Variants in OTOGL observed in about 807,000 individuals in gnomAD.
The protein encoded by OTOGL is otogelin like.
A neutral mutation model predicts 318.5 loss-of-function variants in OTOGL; 285 were observed. The observed-to-expected ratio is 0.89, with a 90% CI of 0.81 to 0.99. The LOEUF (loss-of-function observed/expected upper bound fraction) is 0.99, where lower values mean the gene tolerates loss of function less well. Among genes scored for constraint, OTOGL ranks in the 50% least tolerant of loss-of-function variants. The pLI, the probability that OTOGL is intolerant of heterozygous loss-of-function variation, is 0.00. For synonymous variants in OTOGL, 987 were observed against 936.5 expected, an observed-to-expected ratio of 1.05 and a Z score of -0.99; for missense variants, 2,899 against 2,845.6, an observed-to-expected ratio of 1.02 and a Z score of -0.43.
chr12:80,196,355 GT>G (rs552865765), intron 1 of OTOGL, among the ~76,000 whole-genome samples: 149 of 152,298 alleles, frequency 9.8e-4, no homozygotes, highest in African/African-American at 3.5e-3. Context: ...TGATAATATT[GT>G]TATTTATAAA....
intron 1 of OTOGL, among the ~76,000 whole-genome samples, chr12:80,147,230 G>A (rs574747165): frequency 1.5e-4 from 23 of 150,014 alleles, no homozygotes; most frequent in South Asian, 6.6e-4. Flanking sequence ...CTTTGAATGC[G>A]TCCCAGAGAT....
At chr12:80,169,292 C>G (rs920238543) in intron 1 of OTOGL, among the ~76,000 whole-genome samples, 4 of 152,092 alleles carry the variant, frequency 2.6e-5, no homozygotes, top group Non-Finnish European at 4.4e-5. Flanking sequence ...GTATGTCATT[C>G]ATTATGACAT....
intron 27 of OTOGL, among the ~76,000 whole-genome samples, chr12:80,301,855 A>C (rs1395336494): frequency 1.3e-5 from 2 of 152,244 alleles, no homozygotes; most frequent in African/African-American, 4.8e-5. Context: ...ATTTCTGTTC[A>C]TGCCTTTTAC....
chr12:80,217,873 G>C (rs1877897804), intron 5 of OTOGL, among the ~76,000 whole-genome samples: 1 of 152,194 alleles, frequency 6.6e-6, no homozygotes, highest in African/African-American at 2.4e-5. Flanking sequence ...AGACAAACCT[G>C]ATAACTGCAT....
chr12:80,261,903 A>C, intron 18 of OTOGL, 66 bp from the exon 19 acceptor site: 1 of 1,517,374 alleles, frequency 6.6e-7, no homozygotes, highest in Non-Finnish European at 8.9e-7. Context: ...TCTTATTTAA[A>C]TATCTGAAGG....
In OTOGL at chr12:80,305,694, A is replaced by C. The variant is rs1886064385; in HGVS notation, c.3332A>C (p.Gln1111Pro). Reference protein sequence around the residue: ...RVFGDSWALGQCESPDETIKP... With the variant: ...RVFGDSWALGPCESPDETIKP... ...TTTGGAGATAGTTGGGCATTAGGAC[A>C]GGTAAGTTACATAAATGTATTTTAG... Residue 1111 changes from glutamine (Q) to proline (P), a missense_variant and splice_region_variant, in exon 29 of 59, where the codon CAG (glutamine) becomes CCG (proline). Physicochemically the swap from Gln to Pro is moderately conservative, Grantham distance 76 (BLOSUM62 -1). Around this residue, in one of 3 missense-constraint regions of OTOGL, gnomAD observed 2,607 missense variants for 2,524.9 expected, o/e 1.03. Coordinates refer to ENST00000547103, the MANE Select transcript of OTOGL (RefSeq NM_001378609.3). The C allele has an allele frequency of 6.5e-7, 1 of 1,531,884 alleles. No individual in the cohort carries two copies. The highest frequency in any genetic ancestry group is 8.7e-7 in the Non-Finnish European group (1 of 1,152,972). The allele number at this position is 1,531,884 out of a possible 1,614,324, so 94.9% of individuals were successfully genotyped here.
intron 44 of OTOGL, among the ~76,000 whole-genome samples, chr12:80,342,379 T>C (rs1888837656): frequency 6.6e-6 from 1 of 152,176 alleles, no homozygotes; most frequent in South Asian, 2.1e-4. Context: ...GTTAGAATTA[T>C]ATCTACAGCT....
chr12:80,330,251 C>A (rs1269909027), intron 37 of OTOGL, among the ~76,000 whole-genome samples: 1 of 152,140 alleles, frequency 6.6e-6, no homozygotes, highest in Non-Finnish European at 1.5e-5. Flanking sequence ...AAGACTGCTT[C>A]TCTGGTTAGC....
chr12:80,145,387 T>G (rs1173665253), intron 1 of OTOGL, among the ~76,000 whole-genome samples: 2 of 152,072 alleles, frequency 1.3e-5, no homozygotes, highest in African/African-American at 2.4e-5. Flanking sequence ...GCGTTATTTC[T>G]GAGGGCTCTG....
At chr12:80,311,738 G>A (rs1886647585) in intron 30 of OTOGL, among the ~76,000 whole-genome samples, 2 of 152,118 alleles carry the variant, frequency 1.3e-5, no homozygotes, top group Admixed American at 1.3e-4. Flanking sequence ...AAATGAGTCC[G>A]TGTCTTTAAG....
intron 1 of OTOGL, among the ~76,000 whole-genome samples, chr12:80,154,461 C>A (rs1317005082): frequency 6.8e-6 from 1 of 146,694 alleles, no homozygotes; most frequent in Non-Finnish European, 1.5e-5. Flanking sequence ...GGCAGCTGCA[C>A]AATCAATCAA....
In OTOGL at chr12:80,265,072, G is replaced by A; in HGVS notation, c.2086G>A (p.Gly696Arg). 1 of 1,613,874 alleles carries A rather than the reference G, an allele frequency of 6.2e-7. No individual in the cohort carries two copies. The highest frequency in any genetic ancestry group is 2.2e-5 in the East Asian group (1 of 44,870). The change falls in exon 20 of 59, where the codon GGG (glycine) becomes AGG (arginine). Residue 696 changes from glycine (G) to arginine (R), a missense_variant. Around this residue, in one of 3 missense-constraint regions of OTOGL, gnomAD observed 2,607 missense variants for 2,524.9 expected, o/e 1.03. Transcript: ENST00000547103. ...TCCTTGCCACATCTATATTAGCCCTGGGCTGTACTATCAGCTATGCCGCCA... is the reference window on the plus strand; with the variant it reads ...TCCTTGCCACATCTATATTAGCCCTAGGCTGTACTATCAGCTATGCCGCCA... ...FAPCHIYISPGLYYQLCRHDA... is the reference protein window; with the variant it reads ...FAPCHIYISPRLYYQLCRHDA...
rs115999857 is a variant in OTOGL at position 80,137,780 on chromosome 12, G to A, written c.-20+38175G>A. 6.5e-3 allele frequency among the ~76,000 whole-genome samples: 995 copies of A among 152,176 alleles called. 13 individuals are homozygous for A. The highest frequency in any genetic ancestry group is 0.023 in the African/African-American group (952 of 41,522). ...AGGGTAATTACTGGAAACCAGTCTTGGGGAACATAATTGATCTTTTAGGAT... is the reference window on the plus strand; with the variant it reads ...AGGGTAATTACTGGAAACCAGTCTTAGGGAACATAATTGATCTTTTAGGAT... On this transcript the variant is annotated intron_variant, in intron 1 of 58. Transcript: ENST00000547103.
At chr12:80,333,188 T>C in intron 38 of OTOGL, 110 bp downstream of exon 38, 1 of 843,516 alleles carries the variant, frequency 1.2e-6, no homozygotes, top group East Asian at 2.7e-5. Context: ...TGTTCTCTAG[T>C]CTAGCCTTGC....
chr12:80,182,365 G>A (rs1874984771), intron 1 of OTOGL, among the ~76,000 whole-genome samples: 1 of 152,150 alleles, frequency 6.6e-6, no homozygotes, highest in Non-Finnish European at 1.5e-5. Context: ...AGGCAATAGA[G>A]CCAGTTAAAT....
intron 1 of OTOGL, among the ~76,000 whole-genome samples, chr12:80,112,392 G>A (rs1324891837): frequency 1.3e-5 from 2 of 152,176 alleles, no homozygotes; most frequent in Non-Finnish European, 2.9e-5. Context: ...GTCATAAAGA[G>A]CTTTTATTAT....
In OTOGL at chr12:80,377,167, G is replaced by A. The variant is rs138970850; in HGVS notation, c.6826G>A (p.Val2276Ile). The stretch of plus-strand genomic sequence containing the variant: ...ATGCCAGAAAGTGATCATTAAATCG[G>A]TCATAAGGAAACAGGACTGTATGAG... ...RICQKVIIKS[V>I]IRKQDCMSQS... Residue 2276 changes from valine (V) to isoleucine (I), a missense_variant, in exon 58 of 59, where the codon GTC becomes ATC. By Grantham distance (29) the Val-to-Ile change is conservative (BLOSUM62 3). Transcript: ENST00000547103. 30 of 1,609,666 alleles carry A rather than the reference G, an allele frequency of 1.9e-5. No individual in the cohort carries two copies. Among genetic ancestry groups the A allele is most frequent in the Non-Finnish European group, 2.4e-5 (28 of 1,177,522 alleles).
chr12:80,131,862 A>G (rs1270715772), intron 1 of OTOGL: 2 of 152,250 alleles, frequency 1.3e-5, no homozygotes, highest in East Asian at 3.8e-4. Context: ...GAAGATAAGT[A>G]TAGAGTGGGA....
Position 80,380,257 on chromosome 12 carries a change from TAAATGATTCATAGATTTAACAGTTAGAA to T in OTOGL, c.*2212_*2239del, listed in dbSNP as rs1241621366. The T allele has an allele frequency of 6.6e-6, 1 of 151,812 alleles. No homozygotes were observed. Among genetic ancestry groups the T allele is most frequent in the East Asian group, 1.9e-4 (1 of 5,172 alleles). 9.4% of individuals were successfully genotyped at this position (151,812 alleles called of 1,614,324 possible). ...TGACTCAGTATCCAGATACCCCAAA[TAAATGATTCATAGATTTAACAGTTAGAA>T]AACTGAAAACAGACAAATTCTGCTT... On this transcript the variant is annotated 3_prime_UTR_variant, in exon 59 of 59. Transcript: ENST00000547103.
Sources: allele counts gnomAD v4.1 joint callset (sites outside exome capture counted in the v4.1 genomes callset), GRCh38; gene constraint gnomAD v4.1.1; regional missense constraint gnomAD v4.1.1; transcripts MANE v1.5; gene names NCBI Gene and HGNC (gene_info 2026-07-23, HGNC 2026-07-21).